The following UBQLN1 variants were observed in gnomAD, a reference collection of about 807,000 sequenced individuals.
UBQLN1 encodes the protein ubiquilin-1.
Under a neutral mutation model 65.4 loss-of-function variants are expected in UBQLN1, and 13 were observed. That is an observed-to-expected ratio of 0.20 (90% CI 0.13 to 0.32). The LOEUF is 0.32. Ranked by LOEUF, UBQLN1 falls within the 10% of genes least tolerant of loss-of-function variation. The probability of loss-of-function intolerance (pLI) is 1.00; values close to 1 mark genes in which losing one functional copy is unlikely to be tolerated. For missense variants in UBQLN1, 561 were observed against 724.0 expected (o/e 0.77, Z 2.58); for synonymous variants, 267 against 247.8 (o/e 1.08, Z -0.73).
chr9:83,701,445 T>C (rs1024157800), intron 1 of UBQLN1, among the ~76,000 whole-genome samples: 12 of 152,300 alleles, frequency 7.9e-5, no homozygotes, highest in Admixed American at 3.3e-4. Context: ...AGAATTACTA[T>C]GAAAATAGTT....
Position 83,677,786 on chromosome 9 carries a change from G to T in UBQLN1, c.1046C>A (p.Thr349Asn). 6.2e-7 allele frequency: 1 copy of T among 1,614,178 alleles called. No homozygotes were observed. The highest frequency in any genetic ancestry group is 2.2e-5 in the East Asian group (1 of 44,878). ...ACTCTGCCCAGAAGTGCCACTGGCAGTACTACCAGTAGTGCCACCCACAGT... is the reference window on the plus strand; with the variant it reads ...ACTCTGCCCAGAAGTGCCACTGGCATTACTACCAGTAGTGCCACCCACAGT... Reference protein sequence around the residue: ...ASTVGGTTGSTASGTSGQSTT... With the variant: ...ASTVGGTTGSNASGTSGQSTT... Residue 349 changes from threonine to asparagine, a missense_variant, in exon 6 of 11, where the codon ACT becomes AAT. This residue lies in a region of UBQLN1 where 89 missense variants were observed against 77.8 expected (regional missense o/e 1.14). Coordinates refer to ENST00000376395, the MANE Select transcript of UBQLN1 (RefSeq NM_013438.5).
intron 1 of UBQLN1, among the ~76,000 whole-genome samples, chr9:83,698,122 C>G (rs1010435542): frequency 6.6e-6 from 1 of 152,108 alleles, no homozygotes; most frequent in Non-Finnish European, 1.5e-5. Context: ...ATGCATCATG[C>G]CTTATAAATC....
intron 10 of UBQLN1, among the ~76,000 whole-genome samples, chr9:83,662,286 A>ACACACACC: frequency 6.9e-6 from 1 of 145,502 alleles, no homozygotes; most frequent in Non-Finnish European, 1.6e-5. Flanking sequence ...ACACACACAC[A>ACACACACC]CACACACACA....
At chr9:83,693,510 A>G (rs10217326) in intron 1 of UBQLN1, among the ~76,000 whole-genome samples, 52,889 of 151,852 alleles carry the variant, frequency 0.35, 9,608 homozygotes, top group Middle Eastern at 0.5. Context: ...TTGAAAGCAT[A>G]CCTTCTTTCT....
chr9:83,683,088 A>G, intron 2 of UBQLN1, 22 bp from the exon 3 acceptor site: 6 of 1,537,870 alleles, frequency 3.9e-6, no homozygotes, highest in Non-Finnish European at 5.4e-6. Flanking sequence ...AATTAATCAC[A>G]GAGTAAGCAG....
chr9:83,678,572 T>C lies in UBQLN1; in HGVS notation c.739A>G (p.Met247Val), dbSNP rs142797913. 7 of 1,611,042 alleles carry C rather than the reference T, an allele frequency of 4.3e-6. No individual in the cohort carries two copies. The highest frequency in any genetic ancestry group is 5.1e-6 in the Non-Finnish European group (6 of 1,179,122). ...TGGTTCCTCATCATCTCCTGCATCA[T>C]TGCTGGATTCCTGGCAAGTTCCAAC... ...QTLELARNPA[M>V]MQEMMRNQDR... Residue 247 changes from methionine (M) to valine (V), a missense_variant, in exon 5 of 11, where the codon ATG (methionine) becomes GTG (valine). Physicochemically the swap from Met to Val is conservative, Grantham distance 21. Coordinates refer to ENST00000376395, the MANE Select transcript of UBQLN1 (RefSeq NM_013438.5).
At chr9:83,662,149 T>C (rs1272426962) in intron 10 of UBQLN1, among the ~76,000 whole-genome samples, 1 of 152,124 alleles carries the variant, frequency 6.6e-6, no homozygotes, top group African/African-American at 2.4e-5. Context: ...AATAATCATG[T>C]CAAATAGATC....
At chr9:83,696,701 C>A (rs1832221685) in intron 1 of UBQLN1, among the ~76,000 whole-genome samples, 1 of 151,754 alleles carries the variant, frequency 6.6e-6, no homozygotes, top group East Asian at 1.9e-4. Flanking sequence ...ATTTAAAACA[C>A]TATTTGGTCA....
intron 4 of UBQLN1, among the ~76,000 whole-genome samples, chr9:83,679,347 T>C (rs1009666370): frequency 2.0e-5 from 3 of 152,210 alleles, no homozygotes; most frequent in Admixed American, 6.5e-5. Flanking sequence ...AAATGAGGTG[T>C]TGTCTGATTC....
chr9:83,663,834 A>C, intron 10 of UBQLN1, 41 bp downstream of exon 10: 3 of 1,578,002 alleles, frequency 1.9e-6, no homozygotes, highest in Non-Finnish European at 2.6e-6. Context: ...TAAATTTCCA[A>C]CATTAAGGAA....
At chr9:83,699,788 C>T (rs1832281130) in intron 1 of UBQLN1, among the ~76,000 whole-genome samples, 1 of 152,322 alleles carries the variant, frequency 6.6e-6, no homozygotes, top group Non-Finnish European at 1.5e-5. Context: ...ATTTTTGGCT[C>T]TACCAGCCAC....
intron 8 of UBQLN1, 148 bp from the exon 9 acceptor site, chr9:83,665,293 G>GC: frequency 1.9e-6 from 1 of 512,992 alleles, no homozygotes; most frequent in South Asian, 3.6e-5. Flanking sequence ...CAAAATAAAC[G>GC]CAAGTATCTC....
chr9:83,661,225 C>T lies in UBQLN1; in HGVS notation c.*562G>A, dbSNP rs948705103. The T allele has an allele frequency of 6.5e-6, 1 of 152,892 alleles. No individual in the cohort carries two copies. Among genetic ancestry groups the T allele is most frequent in the Non-Finnish European group, 1.5e-5 (1 of 68,034 alleles). 9.5% of individuals were successfully genotyped at this position (152,892 alleles called of 1,614,324 possible). A position where few individuals can be genotyped will look rare whatever the true frequency, so the allele number is the denominator to read the frequency against. ...CTTTAAGAGTATTTTCTTATCTTCA[C>T]TTTTTTAGTTACAGGTGTTTTGCTC... On this transcript the variant is annotated 3_prime_UTR_variant, in exon 11 of 11. Coordinates refer to ENST00000376395, the MANE Select transcript of UBQLN1 (RefSeq NM_013438.5).
intron 1 of UBQLN1, among the ~76,000 whole-genome samples, chr9:83,699,057 A>T (rs1281955979): frequency 1.3e-5 from 2 of 152,250 alleles, no homozygotes; most frequent in African/African-American, 4.8e-5. Flanking sequence ...AGTCAAATTC[A>T]GAGACAGAAA....
At chr9:83,689,552 TAAAG>T (rs1464930384) in intron 1 of UBQLN1, among the ~76,000 whole-genome samples, 5 of 152,188 alleles carry the variant, frequency 3.3e-5, no homozygotes, top group African/African-American at 4.8e-5. Flanking sequence ...TGCTGGGCCA[TAAAG>T]AAAGTCAACA....
In UBQLN1 at chr9:83,664,100, C is replaced by T. The variant is rs2781003; in HGVS notation, c.1449-57G>A. On this transcript the variant is annotated intron_variant, in intron 9 of 10. Transcript: ENST00000376395. ...GGTCCTGCAAAACCAGAAGCCAGTC[C>T]GTAAATCAGTTACATTTTAATATAA... 1,003,640 of 1,547,714 alleles carry T rather than the reference C, an allele frequency of 0.65. 329,841 individuals are homozygous for T. Among genetic ancestry groups the T allele is most frequent in the East Asian group, 0.88 (39,095 of 44,228 alleles).
chr9:83,678,603 C>T lies in UBQLN1; in HGVS notation c.712-4G>A, dbSNP rs377452429. 2.3e-5 allele frequency: 37 copies of T among 1,575,210 alleles called. No homozygotes were observed. Among genetic ancestry groups the T allele is most frequent in the Middle Eastern group, 1.7e-4 (1 of 5,888 alleles). The stretch of plus-strand genomic sequence containing the variant: ...GATTCCTGGCAAGTTCCAACGTCTA[C>T]GAAAAATATTTCCAAAAAAAGAAAA... On this transcript the variant is annotated splice_region_variant and splice_polypyrimidine_tract_variant and intron_variant, in intron 4 of 10. Coordinates refer to ENST00000376395, the MANE Select transcript of UBQLN1 (RefSeq NM_013438.5).
At chr9:83,665,244 ACCT>A in intron 8 of UBQLN1, 99 bp from the exon 9 acceptor site, 1 of 839,900 alleles carries the variant, frequency 1.2e-6, no homozygotes, top group East Asian at 2.7e-5. Flanking sequence ...AAAATCTAAA[ACCT>A]TACTCCTGGA....
rs1421591123 is a variant in UBQLN1, at chr9:83,677,765, T to C, written c.1067A>G (p.Gln356Arg). Residue 356 changes from glutamine (Q) to arginine (R), a missense_variant, in exon 6 of 11, where the codon CAG (glutamine) becomes CGG (arginine). By Grantham distance (43) the Gln-to-Arg change is conservative. Around this residue, in one of 8 missense-constraint regions of UBQLN1, gnomAD observed 89 missense variants for 77.8 expected, o/e 1.14. Transcript: ENST00000376395. ...TGSTASGTSG[Q>R]STTAPNLVPG... Reference sequence around the variant, plus strand: ...CACCAAATTTGGCGCAGTAGTACTCTGCCCAGAAGTGCCACTGGCAGTACT... The same window carrying C: ...CACCAAATTTGGCGCAGTAGTACTCCGCCCAGAAGTGCCACTGGCAGTACT... The C allele has an allele frequency of 6.2e-7, 1 of 1,614,060 alleles. No individual in the cohort carries two copies. The highest frequency in any genetic ancestry group is 1.7e-5 in the Admixed American group (1 of 60,022).
Sources: gnomAD v4.1 joint callset for allele counts (sites outside exome capture counted in the v4.1 genomes callset) on GRCh38, gnomAD v4.1.1 for gene constraint, gnomAD v4.1.1 regional missense constraint, MANE v1.5 for transcripts, NCBI Gene and HGNC (gene_info 2026-07-23, HGNC 2026-07-21) for gene names.